ORC5: variants seen among roughly 807,000 people sequenced by gnomAD.
The protein encoded by ORC5 is protein phosphatase 1, regulatory subunit 117.
A neutral mutation model predicts 58.8 loss-of-function variants in ORC5; 39 were observed. The observed-to-expected ratio is 0.66, with a 90% confidence interval of 0.51 to 0.87. The LOEUF (loss-of-function observed/expected upper bound fraction) is 0.87. Among genes scored for constraint, ORC5 ranks in the 40% least tolerant of loss-of-function variants. The pLI is 0.00. For missense variants in ORC5, 493 were observed against 506.3 expected, an observed-to-expected ratio of 0.97 and a Z score of 0.25; for synonymous variants, 218 against 177.6, an observed-to-expected ratio of 1.23 and a Z score of -1.81.
chr7:104,199,985 T>C (rs1452599132), intron 3 of ORC5, among the ~76,000 whole-genome samples: 1 of 152,172 alleles, frequency 6.6e-6, no homozygotes, highest in Non-Finnish European at 1.5e-5. Context: ...ATCTGACGAT[T>C]TTATAAGGAG....
Position 104,138,493 on chromosome 7 carries a change from CTT to C in ORC5, c.1150-1602_1150-1601del. Among the ~76,000 whole-genome samples, 1 of 151,724 alleles carries C rather than the reference CTT, an allele frequency of 6.6e-6. No homozygotes were observed. Among genetic ancestry groups the C allele is most frequent in the Middle Eastern group, 3.4e-3 (1 of 292 alleles). The stretch of plus-strand genomic sequence containing the variant: ...ACCTGGGCTTAGTCTTGGTTTAAAA[CTT>C]TCTTTCCTTCTTTTCTTTCTTTTTT... On this transcript the variant is annotated intron_variant, in intron 12 of 13. Transcript: ENST00000297431. This position sits in a 1 kb window ranked among gnomAD's most constrained non-coding sequence, Gnocchi z 4.7.
chr7:104,200,982 G>A (rs1352325825), intron 2 of ORC5, 24 bp from the exon 3 acceptor site: 1 of 1,582,458 alleles, frequency 6.3e-7, no homozygotes, highest in Non-Finnish European at 8.7e-7. Context: ...CCAAAACACT[G>A]TAAGTAAAGA....
chr7:104,161,747 A>G (rs915527854), intron 11 of ORC5, among the ~76,000 whole-genome samples: 4 of 152,204 alleles, frequency 2.6e-5, no homozygotes, highest in African/African-American at 9.6e-5. Flanking sequence ...ATCAACAAAT[A>G]TTAATTAAAG....
chr7:104,149,959 G>T (rs1798819049), intron 12 of ORC5, among the ~76,000 whole-genome samples: 1 of 152,100 alleles, frequency 6.6e-6, no homozygotes, highest in South Asian at 2.1e-4. Context: ...TTTAATCTTT[G>T]CTCTGTGTAC....
chr7:104,189,118 G>C (rs1466571328), intron 5 of ORC5, among the ~76,000 whole-genome samples: 1 of 152,084 alleles, frequency 6.6e-6, no homozygotes, highest in Non-Finnish European at 1.5e-5. Context: ...ATGGGGACTG[G>C]TTGTCAGAGG....
chr7:104,155,925 T>C (rs1008640658), intron 12 of ORC5, among the ~76,000 whole-genome samples: 8 of 151,710 alleles, frequency 5.3e-5, no homozygotes, highest in African/African-American at 1.9e-4. Flanking sequence ...TTGGCTTTAA[T>C]ATATTTCTGG....
At chr7:104,160,278 G>A (rs1316899180) in intron 12 of ORC5, among the ~76,000 whole-genome samples, 1 of 152,106 alleles carries the variant, frequency 6.6e-6, no homozygotes, top group East Asian at 1.9e-4. Context: ...CAGCTATTCT[G>A]GGGCCAGATT....
Position 104,204,052 on chromosome 7 carries a change from T to C in ORC5, c.165+90A>G, listed in dbSNP as rs148616791. 173 of 619,374 alleles carry C rather than the reference T, an allele frequency of 2.8e-4. 1 individual carries two copies. In the African/African-American group the frequency reaches 2.9e-3, roughly 10 times the overall value. The allele number at this position is 619,374 out of a possible 1,614,324, so 38.4% of individuals were successfully genotyped here. Reference sequence around the variant, plus strand: ...GGAGAGTAATGTAAAGGTGGTATGTTCAATTTTGCATTTGTGGAGATTCAC... The same window carrying C: ...GGAGAGTAATGTAAAGGTGGTATGTCCAATTTTGCATTTGTGGAGATTCAC... On this transcript the variant is annotated intron_variant, in intron 2 of 13. Transcript: ENST00000297431.
chr7:104,172,921 A>G (rs1171571446), intron 8 of ORC5, among the ~76,000 whole-genome samples: 1 of 152,014 alleles, frequency 6.6e-6, no homozygotes, highest in East Asian at 1.9e-4. Flanking sequence ...TCATTATATC[A>G]TTCAAATATC....
intron 12 of ORC5, among the ~76,000 whole-genome samples, chr7:104,148,351 A>G (rs1379458938): frequency 3.3e-5 from 5 of 152,220 alleles, no homozygotes; most frequent in African/African-American, 1.2e-4. Context: ...GGGCGAGATT[A>G]GGAAAGCTTT....
intron 12 of ORC5, among the ~76,000 whole-genome samples, chr7:104,159,418 G>A (rs1255635273): frequency 1.4e-5 from 2 of 147,234 alleles, no homozygotes; most frequent in African/African-American, 2.5e-5. Context: ...CATGGCACAT[G>A]TATACATATG....
At chr7:104,149,891 CTCTT>C (rs911607509) in intron 12 of ORC5, among the ~76,000 whole-genome samples, 3 of 152,138 alleles carry the variant, frequency 2.0e-5, no homozygotes, top group African/African-American at 4.8e-5. Flanking sequence ...AAACAAAAAT[CTCTT>C]TCTGTGTACA....
chr7:104,198,674 T>A (rs972591665), intron 3 of ORC5, among the ~76,000 whole-genome samples: 1 of 152,102 alleles, frequency 6.6e-6, no homozygotes, highest in Non-Finnish European at 1.5e-5. Context: ...GGCCAGACCA[T>A]GAGGTAGAAA....
At chr7:104,147,758 CTTGTT>C (rs1245645025) in intron 12 of ORC5, among the ~76,000 whole-genome samples, 1 of 152,178 alleles carries the variant, frequency 6.6e-6, no homozygotes, top group African/African-American at 2.4e-5. Context: ...AAATTAAACA[CTTGTT>C]TTAAGAATAC....
In ORC5 at chr7:104,153,241, C is replaced by T. The variant is rs146424580; in HGVS notation, c.1149+7831G>A. ...CCCAAAGCAGTTTTTTAAAAAATCT[C>T]CTGAAGTAGGTATCTACTGCAGAGT... On this transcript the variant is annotated intron_variant, in intron 12 of 13. Coordinates refer to ENST00000297431, the MANE Select transcript of ORC5 (RefSeq NM_002553.4). Among the ~76,000 whole-genome samples the T allele has an allele frequency of 3.0e-4, 46 of 152,216 alleles. 1 individual carries two copies. The highest frequency in any genetic ancestry group is 1.1e-3 in the African/African-American group (46 of 41,530).
chr7:104,169,985 G>A (rs1156363523), intron 8 of ORC5, among the ~76,000 whole-genome samples: 3 of 152,046 alleles, frequency 2.0e-5, no homozygotes, highest in Admixed American at 6.6e-5. Context: ...CATCAAGGTC[G>A]TCCTAAGAAA....
intron 12 of ORC5, among the ~76,000 whole-genome samples, chr7:104,147,623 C>T (rs1184370167): frequency 6.6e-6 from 1 of 152,144 alleles, no homozygotes; most frequent in Non-Finnish European, 1.5e-5. Flanking sequence ...AGTCCCTAGT[C>T]AGTCACCCAC....
At chr7:104,203,338 T>C (rs1240853663) in intron 2 of ORC5, among the ~76,000 whole-genome samples, 1 of 152,172 alleles carries the variant, frequency 6.6e-6, no homozygotes, top group Admixed American at 6.5e-5. Context: ...CCATGGCTGC[T>C]TTCACAATAC....
At position 104,126,647 on chromosome 7, in the gene ORC5, AG is replaced by A. The variant is rs1798433641; in HGVS notation, c.*200del. 5 of 490,608 alleles carry A rather than the reference AG, an allele frequency of 1.0e-5. No homozygotes were observed. The South Asian group carries it at 1.9e-4, about 18-fold the overall frequency. The allele number at this position is 490,608 out of a possible 1,614,324, so 30.4% of individuals were successfully genotyped here. A position where few individuals can be genotyped will look rare whatever the true frequency, so the allele number is the denominator to read the frequency against. On this transcript the variant is annotated 3_prime_UTR_variant, in exon 14 of 14. Transcript: ENST00000297431. ...TTAACACGTTGCTTCCAAATACTCC[AG>A]GGTCCCTGGTAAATAGTCTTCTGCT...
Sources: gnomAD v4.1 joint callset for allele counts (sites outside exome capture counted in the v4.1 genomes callset) on GRCh38, gnomAD v4.1.1 for gene constraint, Gnocchi (gnomAD v3.1) non-coding constraint, MANE v1.5 for transcripts, NCBI Gene and HGNC (gene_info 2026-07-23, HGNC 2026-07-21) for gene names.